Variants in EPN1 observed in about 807,000 individuals in gnomAD.
The protein encoded by EPN1 is epsin 1, also known as epsin-1.
Under a neutral mutation model 56.9 loss-of-function variants are expected in EPN1, and 25 were observed. The observed-to-expected ratio is 0.44, with a 90% CI of 0.32 to 0.61. The LOEUF (loss-of-function observed/expected upper bound fraction) is 0.61. Among genes scored for constraint, EPN1 ranks in the 20% least tolerant of loss-of-function variants. The probability of loss-of-function intolerance (pLI) is 0.05; values close to 1 mark genes in which losing one functional copy is unlikely to be tolerated. For synonymous variants in EPN1, 411 were observed against 361.8 expected (o/e 1.14, Z -1.54); for missense variants, 785 against 823.7 (o/e 0.95, Z 0.58).
chr19:55,699,297 CCTT>C lies in EPN1; in HGVS notation c.*3945_*3947del, dbSNP rs1192521716. 5 of 152,180 alleles carry C rather than the reference CCTT, an allele frequency of 3.3e-5. No homozygotes were observed. Among genetic ancestry groups the C allele is most frequent in the African/African-American group, 9.7e-5 (4 of 41,432 alleles). 9.4% of individuals were successfully genotyped at this position (152,180 alleles called of 1,614,324 possible). On this transcript the variant is annotated 3_prime_UTR_variant, in exon 11 of 11. Transcript: ENST00000270460. The stretch of plus-strand genomic sequence containing the variant: ...GAGTTTCTGTGCCCATTCCCAGGCA[CCTT>C]CTTGCAGCCGCAGGCATCTCCCCCA...
chr19:55,681,141 G>T (rs1440342997), intron 2 of EPN1, among the ~76,000 whole-genome samples: 1 of 152,236 alleles, frequency 6.6e-6, no homozygotes, highest in African/African-American at 2.4e-5. Context: ...TGGAGAAGGA[G>T]GGTGAGCTGT....
In EPN1 at chr19:55,689,289, T is replaced by TC. The variant is rs1445767488; in HGVS notation, c.604-3dup. 2.4e-5 allele frequency: 37 copies of TC among 1,542,082 alleles called. No individual in the cohort carries two copies. The highest frequency in any genetic ancestry group is 4.0e-5 in the Admixed American group (2 of 50,474). Reference sequence around the variant, plus strand: ...CCCGTCATGCCCCTCACACTCTCTCTCCCCCAGCCCCCGTCCTGCGGCCCC... The same window carrying TC: ...CCCGTCATGCCCCTCACACTCTCTCTCCCCCCAGCCCCCGTCCTGCGGCCCC... On this transcript the variant is annotated splice_polypyrimidine_tract_variant and splice_region_variant and intron_variant, in intron 4 of 10. Transcript: ENST00000270460. The surrounding 1 kb of genome is among the most constrained non-coding windows in gnomAD (Gnocchi z 5.7).
rs1400147443 is a variant in EPN1, at chr19:55,694,895, T to C, written c.1434T>C (p.Asn478=). The part of the protein sequence containing the change: ...RKTPESFLGP[N]AALVDLDSLV... ...CGCCGGAGTCATTCCTGGGGCCCAATGCAGCCCTCGTCGACCTGGACTCGC... is the reference window on the plus strand; with the variant it reads ...CGCCGGAGTCATTCCTGGGGCCCAACGCAGCCCTCGTCGACCTGGACTCGC... Residue 478 remains asparagine, a synonymous_variant, in exon 10 of 11, where the codon AAT becomes AAC. Transcript: ENST00000270460. The surrounding 1 kb of genome is among the most constrained non-coding windows in gnomAD (Gnocchi z 4.2). 3.1e-6 allele frequency: 5 copies of C among 1,596,550 alleles called. No individual in the cohort carries two copies. Among genetic ancestry groups the C allele is most frequent in the South Asian group, 1.1e-5 (1 of 88,350 alleles).
At position 55,708,740 on chromosome 19, in the gene EPN1, G is replaced by C. The variant is rs1205315728; in HGVS notation, c.*13384G>C. 3 of 493,946 alleles carry C rather than the reference G, an allele frequency of 6.1e-6. No individual in the cohort carries two copies. Among genetic ancestry groups the C allele is most frequent in the Non-Finnish European group, 1.1e-5 (3 of 278,238 alleles). 30.6% of individuals were successfully genotyped at this position (493,946 alleles called of 1,614,324 possible). A position where few individuals can be genotyped will look rare whatever the true frequency, so the allele number is the denominator to read the frequency against. On this transcript the variant is annotated 3_prime_UTR_variant, in exon 11 of 11. Coordinates refer to ENST00000270460, the MANE Select transcript of EPN1 (RefSeq NM_001130072.2). ...TATAGGACCGAGGCAAAGACAATCA[G>C]CATGTACACTGAATCACACTCCATA...
In EPN1 at chr19:55,708,569, T is replaced by A. The variant is rs1987541704; in HGVS notation, c.*13213T>A. ...ACTTCTGTGTCAGAAGTATCCGGAT[T>A]GTGGTGCCTACAAATGCATGCTCCT... On this transcript the variant is annotated 3_prime_UTR_variant, in exon 11 of 11. Transcript: ENST00000270460. 5.7e-6 allele frequency: 1 copy of A among 175,006 alleles called. No individual in the cohort carries two copies. Among genetic ancestry groups the A allele is most frequent in the Admixed American group, 6.3e-5 (1 of 15,932 alleles). 10.8% of individuals were successfully genotyped at this position (175,006 alleles called of 1,614,324 possible).
intron 3 of EPN1, among the ~76,000 whole-genome samples, chr19:55,688,624 G>A (rs1458805229): frequency 6.6e-6 from 1 of 152,114 alleles, no homozygotes; most frequent in Non-Finnish European, 1.5e-5. Flanking sequence ...ACTGACTTTT[G>A]CTCTGGTCCT....
At position 55,705,811 on chromosome 19, in the gene EPN1, A is replaced by ATATATATATATATATATATATATATG. The variant is rs201268771; in HGVS notation, c.*10472_*10473insATATATATGTATATATATATATATAT. The ATATATATATATATATATATATATATG allele has an allele frequency of 7.0e-5, 7 of 99,562 alleles. 1 individual carries two copies. Among genetic ancestry groups the ATATATATATATATATATATATATATG allele is most frequent in the Non-Finnish European group, 1.3e-4 (6 of 44,950 alleles). 6.2% of individuals were successfully genotyped at this position (99,562 alleles called of 1,614,324 possible). A position where few individuals can be genotyped will look rare whatever the true frequency, so the allele number is the denominator to read the frequency against. ...GCTGGAATATTTGTTGTTGTGGGAT[A>ATATATATATATATATATATATATATG]TATATATATATATATATTTAGAGTG... On this transcript the variant is annotated 3_prime_UTR_variant, in exon 11 of 11. Coordinates refer to ENST00000270460, the MANE Select transcript of EPN1 (RefSeq NM_001130072.2).
At chr19:55,687,739 G>C (rs1276142613) in intron 3 of EPN1, among the ~76,000 whole-genome samples, 1 of 152,110 alleles carries the variant, frequency 6.6e-6, no homozygotes, top group African/African-American at 2.4e-5. Flanking sequence ...TGGTTCTCTC[G>C]TCCTTTCCTC....
In EPN1 at chr19:55,695,731, A is replaced by G; in HGVS notation, c.*375A>G. 4.7e-6 allele frequency: 1 copy of G among 213,480 alleles called. No individual in the cohort carries two copies. The highest frequency in any genetic ancestry group is 1.3e-4 in the South Asian group (1 of 7,472). The allele number at this position is 213,480 out of a possible 1,614,324, so 13.2% of individuals were successfully genotyped here. On this transcript the variant is annotated 3_prime_UTR_variant, in exon 11 of 11. Transcript: ENST00000270460. This position sits in a 1 kb window ranked among gnomAD's most constrained non-coding sequence, Gnocchi z 4.4. ...TGAATCCTTGGTGATGATTTTGGCAACTTTGGGAATAAATGGCAATTCCCA... is the reference window on the plus strand; with the variant it reads ...TGAATCCTTGGTGATGATTTTGGCAGCTTTGGGAATAAATGGCAATTCCCA...
Position 55,686,952 on chromosome 19 carries a change from CT to C in EPN1, c.478+1308del, listed in dbSNP as rs755510129. ...CGTCAGACTTTGTGCAAGGCCAGAGCTAATGTCCTCTGCGTTGCTGGCCACG... is the reference window on the plus strand; with the variant it reads ...CGTCAGACTTTGTGCAAGGCCAGAGCAATGTCCTCTGCGTTGCTGGCCACG... On this transcript the variant is annotated intron_variant, in intron 3 of 10. Transcript: ENST00000270460. 1.3e-3 allele frequency among the ~76,000 whole-genome samples: 194 copies of C among 152,098 alleles called. 1 individual carries two copies. The highest frequency in any genetic ancestry group is 3.4e-3 in the Middle Eastern group (1 of 294).
intron 3 of EPN1, among the ~76,000 whole-genome samples, chr19:55,686,007 C>T (rs773617097): frequency 1.2e-4 from 19 of 152,172 alleles, no homozygotes; most frequent in Non-Finnish European, 1.9e-4. Context: ...CTTCTCTCTG[C>T]GCTGAGATGA....
Position 55,685,547 on chromosome 19 carries a change from C to A in EPN1, c.380C>A (p.Ala127Asp). 1 of 1,612,102 alleles carries A rather than the reference C, an allele frequency of 6.2e-7. No individual in the cohort carries two copies. The highest frequency in any genetic ancestry group is 1.3e-5 in the African/African-American group (1 of 75,032). Reference protein sequence around the residue: ...KDQGVNVREKAKQLVALLRDE... With the variant: ...KDQGVNVREKDKQLVALLRDE... ...CAGGGCGTGAACGTGCGTGAGAAAG[C>A]TAAGCAGCTGGTGGCCCTGCTGCGC... Residue 127 changes from alanine to aspartate, a missense_variant, in exon 3 of 11, where the codon GCT becomes GAT. Ala to Asp is a moderately radical substitution (Grantham distance 126). Coordinates refer to ENST00000270460, the MANE Select transcript of EPN1 (RefSeq NM_001130072.2).
chr19:55,681,320 G>C (rs934634987), intron 2 of EPN1, among the ~76,000 whole-genome samples: 1 of 152,186 alleles, frequency 6.6e-6, no homozygotes, highest in African/African-American at 2.4e-5. Flanking sequence ...CTTTTCCTCT[G>C]TTTTCCAGAT....
At chr19:55,679,793 A>T (rs1367392569) in intron 2 of EPN1, among the ~76,000 whole-genome samples, 24 of 152,098 alleles carry the variant, frequency 1.6e-4, no homozygotes, top group Admixed American at 1.6e-3. Flanking sequence ...ACACACCAGG[A>T]TTGGGTTGAG....
rs376180950 is a variant in EPN1 at position 55,689,041 on chromosome 19, G to A, written c.603+47G>A. On this transcript the variant is annotated intron_variant, in intron 4 of 10. Transcript: ENST00000270460. This position sits in a 1 kb window ranked among gnomAD's most constrained non-coding sequence, Gnocchi z 5.7. The stretch of plus-strand genomic sequence containing the variant: ...CTGTCTGTCCGCCACCCGCCTCCAC[G>A]CCTCACTTCAGGCTCCCTCCCAGCC... 6.5e-6 allele frequency: 10 copies of A among 1,541,124 alleles called. No individual in the cohort carries two copies. The highest frequency in any genetic ancestry group is 1.4e-5 in the African/African-American group (1 of 73,798).
Position 55,694,692 on chromosome 19 carries a change from G to C in EPN1, c.1265-34G>C. The C allele has an allele frequency of 2.0e-6, 3 of 1,528,554 alleles. No homozygotes were observed. The highest frequency in any genetic ancestry group is 2.6e-6 in the Non-Finnish European group (3 of 1,138,604). 94.7% of individuals were successfully genotyped at this position (1,528,554 alleles called of 1,614,324 possible). ...CCGGGTTGGAGCCTCACTGCTGTCT[G>C]CCCTGTCTGAGCCCCTCTCCCGGAT... On this transcript the variant is annotated intron_variant, in intron 9 of 10. Coordinates refer to ENST00000270460, the MANE Select transcript of EPN1 (RefSeq NM_001130072.2). This position sits in a 1 kb window ranked among gnomAD's most constrained non-coding sequence, Gnocchi z 4.2.
intron 3 of EPN1, among the ~76,000 whole-genome samples, 163 bp downstream of exon 3, chr19:55,685,808 C>T (rs1279427584): frequency 6.6e-6 from 1 of 152,204 alleles, no homozygotes; most frequent in Non-Finnish European, 1.5e-5. Flanking sequence ...TCACTTGGGC[C>T]CTTTTTTTCC....
In EPN1 at chr19:55,698,826, A is replaced by G. The variant is rs748110731; in HGVS notation, c.*3470A>G. 1 of 151,994 alleles carries G rather than the reference A, an allele frequency of 6.6e-6. No individual in the cohort carries two copies. The highest frequency in any genetic ancestry group is 1.9e-4 in the East Asian group (1 of 5,178). 9.4% of individuals were successfully genotyped at this position (151,994 alleles called of 1,614,324 possible). A position where few individuals can be genotyped will look rare whatever the true frequency, so the allele number is the denominator to read the frequency against. Reference sequence around the variant, plus strand: ...AGTGGCACGATCTCGGCTCACCGCAACCTCCACCTCCCGGGTTCAAGCGAT... The same window carrying G: ...AGTGGCACGATCTCGGCTCACCGCAGCCTCCACCTCCCGGGTTCAAGCGAT... On this transcript the variant is annotated 3_prime_UTR_variant, in exon 11 of 11. Coordinates refer to ENST00000270460, the MANE Select transcript of EPN1 (RefSeq NM_001130072.2).
chr19:55,677,355 A>G (rs1985506129), intron 1 of EPN1: 1 of 708,440 alleles, frequency 1.4e-6, no homozygotes. Flanking sequence ...CTGGCATGGG[A>G]TAAGAGCAGT....
Sources: gnomAD v4.1 joint callset for allele counts (sites outside exome capture counted in the v4.1 genomes callset) on GRCh38, gnomAD v4.1.1 for gene constraint, Gnocchi (gnomAD v3.1) non-coding constraint, MANE v1.5 for transcripts, NCBI Gene and HGNC (gene_info 2026-07-23, HGNC 2026-07-21) for gene names.